The following GIT1 variants were observed in gnomAD, a reference collection of about 807,000 sequenced individuals.
The protein encoded by GIT1 is GIT ArfGAP 1.
In GIT1, 14 loss-of-function variants were observed where a neutral mutation model predicts 91.7. The observed-to-expected ratio is 0.15, with a 90% CI of 0.10 to 0.24. The LOEUF is 0.24. Among genes scored for constraint, GIT1 ranks in the 10% least tolerant of loss-of-function variants. The pLI, the probability that GIT1 is intolerant of heterozygous loss-of-function variation, is 1.00. For missense variants in GIT1, 717 were observed against 1,024.9 expected (o/e 0.70, Z 4.10); for synonymous variants, 414 against 418.2 (o/e 0.99, Z 0.12).
intron 10 of GIT1, 68 bp downstream of exon 10, chr17:29,577,577 A>C (rs928613482): frequency 5.9e-6 from 6 of 1,023,334 alleles, no homozygotes; most frequent in Non-Finnish European, 9.3e-6. Flanking sequence ...GCCCCAGCCC[A>C]CTGCCGGATG....
At position 29,575,590 on chromosome 17, in the gene GIT1, G is replaced by C. The variant is rs1455982331; in HGVS notation, c.1826+40C>G. On this transcript the variant is annotated intron_variant, in intron 17 of 19. Transcript: ENST00000225394. The surrounding 1 kb of genome is among the most constrained non-coding windows in gnomAD (Gnocchi z 5.5). ...GGGCCCTCTCAACCTCCCCGCCTCGGCATGTGAGCAGGCTGGACTGGAGAC... is the reference window on the plus strand; with the variant it reads ...GGGCCCTCTCAACCTCCCCGCCTCGCCATGTGAGCAGGCTGGACTGGAGAC... The C allele has an allele frequency of 6.3e-7, 1 of 1,592,552 alleles. No individual in the cohort carries two copies. Among genetic ancestry groups the C allele is most frequent in the African/African-American group, 1.3e-5 (1 of 74,542 alleles).
Position 29,575,335 on chromosome 17 carries a change from C to T in GIT1, c.1962G>A (p.Lys654=), listed in dbSNP as rs781122630. The T allele has an allele frequency of 6.2e-7, 1 of 1,613,644 alleles. No homozygotes were observed. The highest frequency in any genetic ancestry group is 2.2e-5 in the East Asian group (1 of 44,864). ...DVILKTEQVT[K]NIQELLRAAQ... ...CTGCCCGCAACAGTTCCTGAATGTT[C>T]TTGGTGACCTGCTCTGTCTTCAAGA... The change falls in exon 18 of 20, where the codon AAG becomes AAA. Residue 654 remains lysine, a synonymous_variant. Transcript: ENST00000225394. This position sits in a 1 kb window ranked among gnomAD's most constrained non-coding sequence, Gnocchi z 5.5.
At chr17:29,586,309 T>C (rs1271527093) in intron 1 of GIT1, among the ~76,000 whole-genome samples, 1 of 152,232 alleles carries the variant, frequency 6.6e-6, no homozygotes, top group African/African-American at 2.4e-5. Flanking sequence ...TGTGACTTTA[T>C]TTTTTATTTT....
At chr17:29,586,837 CCT>C (rs1397388619) in intron 1 of GIT1, among the ~76,000 whole-genome samples, 2 of 152,196 alleles carry the variant, frequency 1.3e-5, no homozygotes, top group African/African-American at 4.8e-5. Context: ...CTGCCCCCTT[CCT>C]CTCTTGGACT....
chr17:29,582,267 CTA>C (rs1295986300), intron 4 of GIT1, 123 bp from the exon 5 acceptor site: 4 of 694,358 alleles, frequency 5.8e-6, no homozygotes, highest in South Asian at 1.7e-5. Flanking sequence ...CCAAACCAGA[CTA>C]TGTCGGGAGG....
chr17:29,587,454 G>A (rs1478413886), intron 1 of GIT1, among the ~76,000 whole-genome samples: 1 of 152,178 alleles, frequency 6.6e-6, no homozygotes, highest in East Asian at 1.9e-4. Flanking sequence ...CAGGGGAAAG[G>A]AGGCATCTGG....
intron 1 of GIT1, among the ~76,000 whole-genome samples, chr17:29,588,956 C>G (rs2033701030): frequency 6.6e-6 from 1 of 152,046 alleles, no homozygotes. Flanking sequence ...ACCACACTCG[C>G]CCCCACCTCC....
At chr17:29,587,605 C>A (rs2150855685) in intron 1 of GIT1, among the ~76,000 whole-genome samples, 2 of 152,306 alleles carry the variant, frequency 1.3e-5, no homozygotes, top group Middle Eastern at 3.4e-3. Context: ...CAAAGGACAA[C>A]TGCCTTGCTG....
intron 1 of GIT1, 73 bp from the exon 2 acceptor site, chr17:29,583,689 G>C: frequency 1.4e-6 from 2 of 1,471,264 alleles, no homozygotes; most frequent in South Asian, 2.6e-5. Context: ...GCTCTGGCCC[G>C]TGCCAAGCCT....
chr17:29,580,521 G>A (rs184720375), intron 7 of GIT1, among the ~76,000 whole-genome samples: 98 of 152,330 alleles, frequency 6.4e-4, no homozygotes, highest in African/African-American at 2.2e-3. Context: ...TATGTGCTGG[G>A]TGAGTGGCAG....
intron 7 of GIT1, chr17:29,579,152 C>T: frequency 1.5e-6 from 1 of 645,590 alleles, no homozygotes; most frequent in South Asian, 1.8e-5. Flanking sequence ...CCCCACCCCT[C>T]CTCCTCTGGC....
rs1409308591 is a variant in GIT1 at position 29,589,429 on chromosome 17, G to A, written c.-51C>T. ...CTCTGGGCCAGCGTGGGGGGCGCGGGCGGCGGGCCCGGGCGGCGGCGGCGG... is the reference window on the plus strand; with the variant it reads ...CTCTGGGCCAGCGTGGGGGGCGCGGACGGCGGGCCCGGGCGGCGGCGGCGG... On this transcript the variant is annotated 5_prime_UTR_variant, in exon 1 of 20. Coordinates refer to ENST00000225394, the MANE Select transcript of GIT1 (RefSeq NM_014030.4). This position sits in a 1 kb window ranked among gnomAD's most constrained non-coding sequence, Gnocchi z 5.2. 1.6e-5 allele frequency: 13 copies of A among 834,482 alleles called. No individual in the cohort carries two copies. The highest frequency in any genetic ancestry group is 1.9e-5 in the Non-Finnish European group (13 of 694,318). The allele number at this position is 834,482 out of a possible 1,614,324, so 51.7% of individuals were successfully genotyped here.
chr17:29,580,558 G>A (rs372568341), intron 7 of GIT1, among the ~76,000 whole-genome samples: 1 of 152,172 alleles, frequency 6.6e-6, no homozygotes. Flanking sequence ...CCTCTCAGAC[G>A]GAAGCAGAAA....
Position 29,582,814 on chromosome 17 carries a change from C to G in GIT1, c.300-11G>C. On this transcript the variant is annotated splice_polypyrimidine_tract_variant and intron_variant, in intron 3 of 19. Coordinates refer to ENST00000225394, the MANE Select transcript of GIT1 (RefSeq NM_014030.4). ...TCTGACTTGATGGGGCTGCATGGGGCACACAGGAGGAATGGGGAGCATGGT... is the reference window on the plus strand; with the variant it reads ...TCTGACTTGATGGGGCTGCATGGGGGACACAGGAGGAATGGGGAGCATGGT... 6.2e-7 allele frequency: 1 copy of G among 1,607,266 alleles called. No individual in the cohort carries two copies. The highest frequency in any genetic ancestry group is 8.5e-7 in the Non-Finnish European group (1 of 1,174,298).
rs1390571932 is a variant in GIT1, at chr17:29,582,160, T to A, written c.406-16A>T. 2 of 1,537,476 alleles carry A rather than the reference T, an allele frequency of 1.3e-6. No individual in the cohort carries two copies. Among genetic ancestry groups the A allele is most frequent in the African/African-American group, 2.7e-5 (2 of 73,250 alleles). On this transcript the variant is annotated splice_polypyrimidine_tract_variant and intron_variant, in intron 4 of 19. Coordinates refer to ENST00000225394, the MANE Select transcript of GIT1 (RefSeq NM_014030.4). ...AGTGTAGTTGCTAAGAGGAGCAGAG[T>A]GTGCAGTGAATACGCATGTGCGTGA...
chr17:29,584,261 C>T (rs779656574), intron 1 of GIT1, among the ~76,000 whole-genome samples: 3 of 152,352 alleles, frequency 2.0e-5, no homozygotes, highest in Non-Finnish European at 4.4e-5. Flanking sequence ...GGACATGCTA[C>T]CTCTGTGATG....
In GIT1 at chr17:29,582,756, A is replaced by T; in HGVS notation, c.347T>A (p.Phe116Tyr). The change falls in exon 4 of 20, where the codon TTT (phenylalanine) becomes TAT (tyrosine). Residue 116 changes from phenylalanine to tyrosine, a missense_variant. Phe to Tyr is a conservative substitution (Grantham distance 22, BLOSUM62 3). Around this residue, in one of 3 missense-constraint regions of GIT1, gnomAD observed 271 missense variants for 451.6 expected, o/e 0.60. Transcript: ENST00000225394. ...GTCCCGGCAGGGAAGCTTGTGCACA[A>T]ATGCCAGCATCTGGTACTTGGCCCT... Reference protein sequence around the residue: ...FIRAKYQMLAFVHKLPCRDDD... With the variant: ...FIRAKYQMLAYVHKLPCRDDD... 6.2e-7 allele frequency: 1 copy of T among 1,613,736 alleles called. No homozygotes were observed. Among genetic ancestry groups the T allele is most frequent in the Non-Finnish European group, 8.5e-7 (1 of 1,180,000 alleles).
Position 29,575,482 on chromosome 17 carries a change from GTC to G in GIT1, c.1827-14_1827-13del. The G allele has an allele frequency of 1.3e-6, 2 of 1,595,480 alleles. No individual in the cohort carries two copies. Among genetic ancestry groups the G allele is most frequent in the Non-Finnish European group, 1.7e-6 (2 of 1,170,636 alleles). On this transcript the variant is annotated splice_polypyrimidine_tract_variant and intron_variant, in intron 17 of 19. Coordinates refer to ENST00000225394, the MANE Select transcript of GIT1 (RefSeq NM_014030.4). The surrounding 1 kb of genome is among the most constrained non-coding windows in gnomAD (Gnocchi z 5.5). Reference sequence around the variant, plus strand: ...TCTTCCCTTCCAGCCTGAGGCCCAGGTCCAGAAAACAGAGACAAAGATACATA... The same window carrying G: ...TCTTCCCTTCCAGCCTGAGGCCCAGGCAGAAAACAGAGACAAAGATACATA...
chr17:29,583,762 G>T (rs1347096369), intron 1 of GIT1, 146 bp from the exon 2 acceptor site: 1 of 892,314 alleles, frequency 1.1e-6, no homozygotes, highest in South Asian at 1.8e-5. Context: ...CCATCACTAC[G>T]GCCAGGTTAC....
Sources: allele counts gnomAD v4.1 joint callset (sites outside exome capture counted in the v4.1 genomes callset), GRCh38; gene constraint gnomAD v4.1.1; regional missense constraint gnomAD v4.1.1; non-coding constraint Gnocchi (gnomAD v3.1); transcripts MANE v1.5; gene names NCBI Gene and HGNC (gene_info 2026-07-23, HGNC 2026-07-21).